GRID2: variants seen among roughly 807,000 people sequenced by gnomAD.
The protein encoded by GRID2 is glutamate receptor ionotropic, delta-2.
GRID2 carries 33 observed loss-of-function variants against 114.8 expected under a neutral mutation model. The observed-to-expected ratio is 0.29, with a 90% CI of 0.22 to 0.38. The LOEUF (loss-of-function observed/expected upper bound fraction) is 0.38. Among genes scored for constraint, GRID2 ranks in the 10% least tolerant of loss-of-function variants. The pLI is 1.00. For synonymous variants in GRID2, 505 were observed against 449.9 expected, an observed-to-expected ratio of 1.12 and a Z score of -1.55; for missense variants, 1,184 against 1,257.7, an observed-to-expected ratio of 0.94 and a Z score of 0.89.
chr4:92,814,549 C>T (rs1333520973), intron 2 of GRID2, among the ~76,000 whole-genome samples: 1 of 152,056 alleles, frequency 6.6e-6, no homozygotes, highest in Non-Finnish European at 1.5e-5. Context: ...CTCTGGGATT[C>T]CAAATAAGTC....
At chr4:93,455,365 A>G (rs1469314455) in intron 10 of GRID2, among the ~76,000 whole-genome samples, 1 of 152,150 alleles carries the variant, frequency 6.6e-6, no homozygotes, top group Non-Finnish European at 1.5e-5. Flanking sequence ...TGACCCACGA[A>G]AAAAGACAAT....
At chr4:92,426,339 G>A (rs964182854) in intron 1 of GRID2, among the ~76,000 whole-genome samples, 1 of 152,126 alleles carries the variant, frequency 6.6e-6, no homozygotes, top group Non-Finnish European at 1.5e-5. Flanking sequence ...CATGTGATGA[G>A]CTAAAGCAGG....
chr4:93,136,271 T>C (rs1382602800), intron 4 of GRID2, among the ~76,000 whole-genome samples: 2 of 151,330 alleles, frequency 1.3e-5, no homozygotes, highest in Non-Finnish European at 2.9e-5. Flanking sequence ...TGTGTGTGTG[T>C]GTGTGTGTTT....
intron 1 of GRID2, among the ~76,000 whole-genome samples, chr4:92,304,980 G>T (rs760697943): frequency 6.6e-6 from 1 of 152,184 alleles, no homozygotes; most frequent in Non-Finnish European, 1.5e-5. Context: ...GTGGCTGGAT[G>T]CGTGGGGGTC....
intron 13 of GRID2, among the ~76,000 whole-genome samples, chr4:93,612,682 C>T (rs1741082272): frequency 9.5e-6 from 1 of 104,936 alleles, no homozygotes; most frequent in Non-Finnish European, 2.0e-5. Context: ...AAGAGATCCG[C>T]TGTTAGTCTG....
chr4:92,676,043 C>A (rs139391403), intron 2 of GRID2, among the ~76,000 whole-genome samples: 1 of 151,362 alleles, frequency 6.6e-6, no homozygotes, highest in Admixed American at 6.6e-5. Flanking sequence ...GGAAGAGGGG[C>A]GAGTTCGATA....
chr4:92,352,411 A>G (rs979041438), intron 1 of GRID2, among the ~76,000 whole-genome samples: 1 of 151,170 alleles, frequency 6.6e-6, no homozygotes. Flanking sequence ...TATCTTCTGG[A>G]TATTAATCCC....
At chr4:92,437,750 A>ATGGCCTGCC (rs1164091611) in intron 1 of GRID2, among the ~76,000 whole-genome samples, 5 of 152,194 alleles carry the variant, frequency 3.3e-5, no homozygotes, top group African/African-American at 1.2e-4. Context: ...TTCTTTCTAT[A>ATGGCCTGCC]TTACATCTAC....
intron 9 of GRID2, among the ~76,000 whole-genome samples, chr4:93,408,301 A>G (rs1411037126): frequency 2.0e-5 from 3 of 152,142 alleles, no homozygotes; most frequent in Non-Finnish European, 4.4e-5. Flanking sequence ...TACATGTAAT[A>G]TTACATTTGG....
chr4:92,369,226 TC>T (rs1334151180), intron 1 of GRID2, among the ~76,000 whole-genome samples: 1 of 152,110 alleles, frequency 6.6e-6, no homozygotes, highest in Admixed American at 6.6e-5. Flanking sequence ...TAATAGACTT[TC>T]TATCATTTTA....
At chr4:93,458,083 C>A (rs1002229917) in intron 11 of GRID2, among the ~76,000 whole-genome samples, 3 of 152,090 alleles carry the variant, frequency 2.0e-5, no homozygotes, top group African/African-American at 7.2e-5. Context: ...CTGGCCCATA[C>A]AAAGCCTAGG....
chr4:93,649,671 C>T (rs1303525770), intron 14 of GRID2, among the ~76,000 whole-genome samples: 1 of 152,018 alleles, frequency 6.6e-6, no homozygotes, highest in African/African-American at 2.4e-5. Flanking sequence ...GTTTCAAAGC[C>T]ATCTTTATCC....
chr4:93,484,946 T>C (rs2149451370), intron 11 of GRID2, among the ~76,000 whole-genome samples: 1 of 152,010 alleles, frequency 6.6e-6, no homozygotes, highest in Non-Finnish European at 1.5e-5. Flanking sequence ...ATGTACCTAA[T>C]GGGGGAAATT....
chr4:92,566,117 A>G (rs1727321607), intron 1 of GRID2, among the ~76,000 whole-genome samples: 1 of 152,008 alleles, frequency 6.6e-6, no homozygotes, highest in Non-Finnish European at 1.5e-5. Flanking sequence ...CGATATGCCT[A>G]GCAGCTGGCG....
At chr4:92,411,913 G>A (rs887531264) in intron 1 of GRID2, among the ~76,000 whole-genome samples, 3 of 151,600 alleles carry the variant, frequency 2.0e-5, no homozygotes, top group East Asian at 1.9e-4. Context: ...CACTGTGTTA[G>A]CCAGGATGGT....
rs529793366 is a variant in GRID2 at position 93,117,206 on chromosome 4, T to C, written c.735+6253T>C. On this transcript the variant is annotated intron_variant, in intron 4 of 15. Coordinates refer to ENST00000282020, the MANE Select transcript of GRID2 (RefSeq NM_001510.4). ...TAGAAGATGGATATGGTTATTTTAC[T>C]GGAGGTAGTGCTAGCTTTTGCATGT... Among the ~76,000 whole-genome samples the C allele has an allele frequency of 6.6e-5, 10 of 152,278 alleles. No individual in the cohort carries two copies. In the East Asian group the frequency reaches 1.9e-3, roughly 29 times the overall value.
intron 1 of GRID2, among the ~76,000 whole-genome samples, chr4:92,515,709 A>G (rs1392473746): frequency 6.6e-6 from 1 of 151,924 alleles, no homozygotes; most frequent in Non-Finnish European, 1.5e-5. Context: ...CAATCTTGTT[A>G]TTTATGTGAT....
intron 1 of GRID2, among the ~76,000 whole-genome samples, chr4:92,330,513 G>A (rs2110142654): frequency 6.6e-6 from 1 of 152,200 alleles, no homozygotes; most frequent in Middle Eastern, 3.4e-3. Flanking sequence ...TATAAATAGA[G>A]TTGGTAAGAT....
intron 1 of GRID2, among the ~76,000 whole-genome samples, chr4:92,388,488 C>T (rs1049131449): frequency 2.0e-5 from 3 of 151,908 alleles, no homozygotes; most frequent in South Asian, 2.1e-4. Context: ...TTCCTCACCC[C>T]GAGGAAGGTT....
Sources: allele counts gnomAD v4.1 joint callset (sites outside exome capture counted in the v4.1 genomes callset), GRCh38; gene constraint gnomAD v4.1.1; transcripts MANE v1.5; gene names NCBI Gene and HGNC (gene_info 2026-07-23, HGNC 2026-07-21).